Variants in CREB5 observed in about 807,000 individuals in gnomAD.
CREB5 encodes cAMP responsive element binding protein 5.
CREB5 carries 19 observed loss-of-function variants against 57.1 expected under a neutral mutation model. The ratio of observed to expected loss-of-function variants is 0.33; its 90% CI spans 0.23 to 0.49. The LOEUF (loss-of-function observed/expected upper bound fraction) is 0.49. CREB5 is among the 20% of genes least tolerant of loss of function. The probability of loss-of-function intolerance (pLI) is 0.99; values close to 1 mark genes in which losing one functional copy is unlikely to be tolerated. For missense variants in CREB5, 579 were observed against 671.6 expected (o/e 0.86, Z 1.52); for synonymous variants, 238 against 238.3 (o/e 1.00, Z 0.01).
intron 1 of CREB5, among the ~76,000 whole-genome samples, chr7:28,307,461 C>T (rs1031153562): frequency 6.6e-6 from 1 of 152,214 alleles, no homozygotes; most frequent in African/African-American, 2.4e-5. Flanking sequence ...TCACCAGGTA[C>T]TGAACTTGCT....
intron 1 of CREB5, among the ~76,000 whole-genome samples, chr7:28,460,535 G>A (rs1376147273): frequency 6.6e-6 from 1 of 152,166 alleles, no homozygotes; most frequent in Non-Finnish European, 1.5e-5. Flanking sequence ...GTGTTAGTAT[G>A]TTTTGCCTTC....
intron 5 of CREB5, among the ~76,000 whole-genome samples, chr7:28,658,953 GTATATATATA>G (rs72106956): frequency 2.6e-4 from 26 of 99,602 alleles, no homozygotes; most frequent in African/African-American, 6.9e-4. Context: ...GTGTGTGTGT[GTATATATATA>G]TATATATATA....
intron 5 of CREB5, among the ~76,000 whole-genome samples, chr7:28,625,456 A>C (rs1797963893): frequency 6.6e-6 from 1 of 152,222 alleles, no homozygotes; most frequent in Non-Finnish European, 1.5e-5. Context: ...AAAAAAAGGC[A>C]TTCTACCCCA....
At chr7:28,809,440 C>A (rs372543604) in intron 9 of CREB5, 26 bp downstream of exon 9, 464 of 1,569,994 alleles carry the variant, frequency 3.0e-4, no homozygotes, top group Non-Finnish European at 3.9e-4. Flanking sequence ...TCTTTCCCCG[C>A]GACTCAAAGG....
chr7:28,353,682 A>G (rs926834561), intron 1 of CREB5, among the ~76,000 whole-genome samples: 1 of 151,976 alleles, frequency 6.6e-6, no homozygotes, highest in African/African-American at 2.4e-5. Flanking sequence ...TCTCTACTAA[A>G]AATACAAAAA....
chr7:28,372,564 T>C (rs932730925), intron 1 of CREB5, among the ~76,000 whole-genome samples: 2 of 152,262 alleles, frequency 1.3e-5, no homozygotes, highest in African/African-American at 4.8e-5. Flanking sequence ...AAATATTATT[T>C]ATGATGCTTA....
chr7:28,475,902 C>T (rs1463323017), intron 1 of CREB5, among the ~76,000 whole-genome samples: 21 of 152,146 alleles, frequency 1.4e-4, no homozygotes, highest in Admixed American at 1.4e-3. Flanking sequence ...GGTGAGGAGT[C>T]CCTCTTCCCT....
intron 4 of CREB5, among the ~76,000 whole-genome samples, chr7:28,515,816 A>G (rs1395922891): frequency 6.6e-6 from 1 of 152,152 alleles, no homozygotes; most frequent in East Asian, 1.9e-4. Flanking sequence ...CTTTAAAGAG[A>G]TACCTAGTAA....
At chr7:28,802,081 A>AAAAT (rs1295136540) in intron 7 of CREB5, among the ~76,000 whole-genome samples, 1 of 144,530 alleles carries the variant, frequency 6.9e-6, no homozygotes, top group Non-Finnish European at 1.5e-5. Context: ...TCCATCTGAA[A>AAAAT]AAAAAAAAAA....
intron 7 of CREB5, among the ~76,000 whole-genome samples, chr7:28,789,879 G>A (rs1807561261): frequency 6.6e-6 from 1 of 152,076 alleles, no homozygotes; most frequent in Admixed American, 6.6e-5. Flanking sequence ...TGGGGTGAGA[G>A]AAGAAAGAGA....
intron 3 of CREB5, among the ~76,000 whole-genome samples, chr7:28,504,391 G>A (rs6958771): frequency 0.2 from 29,901 of 151,936 alleles, 3,162 homozygotes; most frequent in African/African-American, 0.28. Context: ...TAATAATGGC[G>A]GATGCTCCAT....
intron 5 of CREB5, among the ~76,000 whole-genome samples, chr7:28,706,153 G>A (rs574924012): frequency 8.5e-5 from 13 of 152,272 alleles, no homozygotes; most frequent in African/African-American, 2.4e-4. Context: ...TCCGGAGTTC[G>A]AGACCAGCTC....
At chr7:28,334,096 A>G (rs1438217174) in intron 1 of CREB5, among the ~76,000 whole-genome samples, 1 of 152,142 alleles carries the variant, frequency 6.6e-6, no homozygotes, top group Non-Finnish European at 1.5e-5. Flanking sequence ...TGGGGTGAGA[A>G]CATATCTCAT....
At chr7:28,299,514 C>T (rs1785063968) in intron 1 of CREB5, 1 of 152,202 alleles carries the variant, frequency 6.6e-6, no homozygotes, top group African/African-American at 2.4e-5. Flanking sequence ...TTCAGACCCT[C>T]AGTCATACTA....
At chr7:28,550,123 C>T (rs1794568859) in intron 4 of CREB5, among the ~76,000 whole-genome samples, 1 of 152,064 alleles carries the variant, frequency 6.6e-6, no homozygotes, top group Non-Finnish European at 1.5e-5. Flanking sequence ...TCCTCCTTTT[C>T]TTACTCCTCT....
chr7:28,434,366 T>C (rs938846260), intron 1 of CREB5, among the ~76,000 whole-genome samples: 1 of 152,254 alleles, frequency 6.6e-6, no homozygotes, highest in Admixed American at 6.5e-5. Flanking sequence ...TTTAATCGAA[T>C]GCCAAAATTC....
At chr7:28,307,593 T>C (rs531462257) in intron 1 of CREB5, among the ~76,000 whole-genome samples, 1 of 152,366 alleles carries the variant, frequency 6.6e-6, no homozygotes, top group African/African-American at 2.4e-5. Context: ...ACAGTTGCCA[T>C]CTGGCAAAGC....
intron 1 of CREB5, among the ~76,000 whole-genome samples, chr7:28,399,858 C>T (rs1787418086): frequency 6.6e-6 from 1 of 151,982 alleles, no homozygotes; most frequent in South Asian, 2.1e-4. Flanking sequence ...AGTTCGAGAC[C>T]AGCCTGACCA....
chr7:28,355,248 C>T (rs549966736), intron 1 of CREB5, among the ~76,000 whole-genome samples: 2 of 152,302 alleles, frequency 1.3e-5, no homozygotes, highest in African/African-American at 2.4e-5. Context: ...GGGATGAAAG[C>T]GTGCATGTGC....
Sources: allele counts gnomAD v4.1 joint callset (sites outside exome capture counted in the v4.1 genomes callset), GRCh38; gene constraint gnomAD v4.1.1; transcripts MANE v1.5; gene names NCBI Gene and HGNC (gene_info 2026-07-23, HGNC 2026-07-21).